MRTFA: variants seen among roughly 807,000 people sequenced by gnomAD.
The protein encoded by MRTFA is myocardin-related transcription factor A.
MRTFA carries 20 observed loss-of-function variants against 83.5 expected under a neutral mutation model. The observed-to-expected ratio is 0.24, with a 90% CI of 0.17 to 0.35. MRTFA has a LOEUF of 0.35. MRTFA is among the 10% of genes least tolerant of loss of function. The pLI, the probability that MRTFA is intolerant of heterozygous loss-of-function variation, is 1.00. For missense variants in MRTFA, 1,200 were observed against 1,224.7 expected, an observed-to-expected ratio of 0.98 and a Z score of 0.30; for synonymous variants, 659 against 541.2, an observed-to-expected ratio of 1.22 and a Z score of -3.02.
chr22:40,538,705 A>G (rs1470204531), intron 3 of MRTFA, among the ~76,000 whole-genome samples: 3 of 152,194 alleles, frequency 2.0e-5, no homozygotes, highest in Non-Finnish European at 4.4e-5. Flanking sequence ...TCACAATTCT[A>G]AAAGTCTGAA....
chr22:40,569,748 C>CATAT (rs1198706527), intron 2 of MRTFA: 4 of 152,048 alleles, frequency 2.6e-5, no homozygotes, highest in Non-Finnish European at 5.9e-5. Flanking sequence ...TACATACATA[C>CATAT]ATACATACAT....
chr22:40,483,699 T>A (rs899426915), intron 3 of MRTFA, among the ~76,000 whole-genome samples: 6 of 150,588 alleles, frequency 4.0e-5, no homozygotes, highest in African/African-American at 1.5e-4. Context: ...AAAAAAAAAA[T>A]TAAAATTAAA....
chr22:40,453,738 A>G (rs2053536891), intron 4 of MRTFA, among the ~76,000 whole-genome samples: 1 of 152,156 alleles, frequency 6.6e-6, no homozygotes, highest in South Asian at 2.1e-4. Flanking sequence ...TAAAAAAAAA[A>G]ATTGTTAAAA....
intron 1 of MRTFA, among the ~76,000 whole-genome samples, chr22:40,609,603 G>GGT (rs2056361498): frequency 6.6e-6 from 1 of 152,150 alleles, no homozygotes; most frequent in African/African-American, 2.4e-5. Flanking sequence ...GGCCTAGATG[G>GGT]GTGGATCACT....
At chr22:40,625,315 T>TA (rs1046798695) in intron 1 of MRTFA, among the ~76,000 whole-genome samples, 23 of 146,238 alleles carry the variant, frequency 1.6e-4, no homozygotes, top group East Asian at 4.0e-4. Flanking sequence ...CACCTGTCCC[T>TA]AAAAAAAAAA....
intron 3 of MRTFA, among the ~76,000 whole-genome samples, chr22:40,545,621 C>T (rs1004408922): frequency 6.6e-5 from 10 of 150,482 alleles, no homozygotes; most frequent in Admixed American, 4.0e-4. Flanking sequence ...TTATTAGAGA[C>T]GGGGTTTCAC....
intron 3 of MRTFA, among the ~76,000 whole-genome samples, chr22:40,472,064 T>C (rs2053925233): frequency 1.3e-5 from 2 of 152,056 alleles, no homozygotes; most frequent in African/African-American, 2.4e-5. Flanking sequence ...CTCAACAAAA[T>C]ACTAGGAAAT....
chr22:40,412,159 T>G (rs1306289967), intron 14 of MRTFA: 1 of 337,938 alleles, frequency 3.0e-6, no homozygotes, highest in Non-Finnish European at 5.3e-6. Flanking sequence ...CAAACTTGAC[T>G]CAAGAATAGG....
intron 3 of MRTFA, among the ~76,000 whole-genome samples, chr22:40,488,333 G>C (rs1043590523): frequency 2.6e-5 from 4 of 152,164 alleles, no homozygotes; most frequent in African/African-American, 9.7e-5. Context: ...AGGCTGACTA[G>C]GGTCAGACTG....
At chr22:40,443,231 G>A (rs780507720) in intron 4 of MRTFA, among the ~76,000 whole-genome samples, 6 of 151,764 alleles carry the variant, frequency 4.0e-5, no homozygotes, top group East Asian at 3.9e-4. Flanking sequence ...TAGCCTGAGC[G>A]ACACAGCAAG....
At chr22:40,436,634 T>G (rs1277105281) in intron 4 of MRTFA, among the ~76,000 whole-genome samples, 1 of 152,164 alleles carries the variant, frequency 6.6e-6, no homozygotes, top group Non-Finnish European at 1.5e-5. Flanking sequence ...CTGACTCCTT[T>G]TGTCAAAAAC....
chr22:40,463,326 T>G (rs2053748891), intron 3 of MRTFA, 40 bp from the exon 4 acceptor site: 1 of 1,551,744 alleles, frequency 6.4e-7, no homozygotes, highest in Non-Finnish European at 8.9e-7. Flanking sequence ...GAGGGGTCAG[T>G]TGGGTATTCC....
chr22:40,625,118 AC>A (rs1030878740), intron 1 of MRTFA, among the ~76,000 whole-genome samples: 9 of 151,996 alleles, frequency 5.9e-5, no homozygotes, highest in South Asian at 4.1e-4. Flanking sequence ...AGGACTCCTA[AC>A]CCCCCAAAAA....
intron 4 of MRTFA, among the ~76,000 whole-genome samples, chr22:40,462,733 C>G (rs952619237): frequency 6.6e-6 from 1 of 152,202 alleles, no homozygotes; most frequent in East Asian, 1.9e-4. Flanking sequence ...GCCATGCTCA[C>G]GCCCAGGCCA....
intron 3 of MRTFA, among the ~76,000 whole-genome samples, chr22:40,465,103 C>T (rs1258244826): frequency 6.6e-6 from 1 of 152,198 alleles, no homozygotes; most frequent in Non-Finnish European, 1.5e-5. Flanking sequence ...TTCATCTGAA[C>T]TTCCCCACTC....
chr22:40,428,532 G>A (rs1023292270), intron 7 of MRTFA, among the ~76,000 whole-genome samples: 1 of 152,050 alleles, frequency 6.6e-6, no homozygotes, highest in African/African-American at 2.4e-5. Context: ...TTTTGTTTTT[G>A]AGACAGGGTC....
At chr22:40,572,820 T>C (rs2055814995) in intron 2 of MRTFA, among the ~76,000 whole-genome samples, 1 of 152,184 alleles carries the variant, frequency 6.6e-6, no homozygotes, top group Non-Finnish European at 1.5e-5. Context: ...TCATTCATTA[T>C]CATGAGAATA....
intron 4 of MRTFA, among the ~76,000 whole-genome samples, chr22:40,454,663 T>C (rs1364444557): frequency 1.3e-5 from 2 of 152,224 alleles, no homozygotes; most frequent in Non-Finnish European, 2.9e-5. Context: ...ACCTTTAAGA[T>C]GGGTTATTAT....
intron 4 of MRTFA, among the ~76,000 whole-genome samples, chr22:40,451,820 G>A (rs965417162): frequency 2.0e-5 from 3 of 151,940 alleles, no homozygotes; most frequent in Admixed American, 6.6e-5. Context: ...TATACTTTTT[G>A]GCAAAGTGCA....
Sources: allele counts gnomAD v4.1 joint callset (sites outside exome capture counted in the v4.1 genomes callset), GRCh38; gene constraint gnomAD v4.1.1; transcripts MANE v1.5; gene names NCBI Gene and HGNC (gene_info 2026-07-23, HGNC 2026-07-21).